The following TCERG1L variants were observed in gnomAD, a reference collection of about 807,000 sequenced individuals.
The protein encoded by TCERG1L is transcription elongation regulator 1-like protein.
In TCERG1L, 37 loss-of-function variants were observed where a neutral mutation model predicts 56.3. The ratio of observed to expected loss-of-function variants is 0.66; its 90% confidence interval spans 0.51 to 0.87. The LOEUF (loss-of-function observed/expected upper bound fraction) is 0.87, where lower values mean the gene tolerates loss of function less well. Among genes scored for constraint, TCERG1L ranks in the 40% least tolerant of loss-of-function variants. The pLI, the probability that TCERG1L is intolerant of heterozygous loss-of-function variation, is 0.00. For synonymous variants in TCERG1L, 324 were observed against 326.3 expected (o/e 0.99, Z 0.08); for missense variants, 799 against 774.2 (o/e 1.03, Z -0.38).
chr10:131,285,410 G>A (rs552349507), intron 3 of TCERG1L, among the ~76,000 whole-genome samples: 5 of 97,996 alleles, frequency 5.1e-5, no homozygotes, highest in African/African-American at 1.4e-4. Context: ...AAGGAAGGAA[G>A]GAAAGAGAGA....
chr10:131,177,041 C>T (rs369937651), intron 4 of TCERG1L, among the ~76,000 whole-genome samples: 3 of 130,634 alleles, frequency 2.3e-5, no homozygotes, highest in South Asian at 2.8e-4. Context: ...CAGACACATG[C>T]ACACACACAG....
chr10:131,165,566 A>AT (rs1407335302), intron 5 of TCERG1L, among the ~76,000 whole-genome samples: 2 of 152,212 alleles, frequency 1.3e-5, no homozygotes, highest in Non-Finnish European at 2.9e-5. Context: ...TGTCTCAAAA[A>AT]ATATATATTA....
chr10:131,293,120 G>C (rs759596257), intron 3 of TCERG1L, among the ~76,000 whole-genome samples: 2 of 151,956 alleles, frequency 1.3e-5, no homozygotes, highest in Non-Finnish European at 2.9e-5. Context: ...CAAAGCGCTG[G>C]GATTAAAGGC....
chr10:131,096,022 T>C (rs1039216511), intron 11 of TCERG1L, among the ~76,000 whole-genome samples: 20 of 152,216 alleles, frequency 1.3e-4, no homozygotes, highest in African/African-American at 4.8e-4. Context: ...ATGGTCTCAA[T>C]AGCAGTAATG....
At chr10:131,227,365 C>A (rs138925399) in intron 4 of TCERG1L, among the ~76,000 whole-genome samples, 2 of 152,346 alleles carry the variant, frequency 1.3e-5, no homozygotes, top group East Asian at 3.9e-4. Flanking sequence ...GGTGGACACG[C>A]GGTGTGGGCA....
At position 131,308,533 on chromosome 10, in the gene TCERG1L, T is replaced by C. The variant is rs1846840329; in HGVS notation, c.490-142A>G. ...TGGGGACTCTATAAAACCATCATTC[T>C]AAAACTTAAAGAAGTTCCACAGGGC... On this transcript the variant is annotated intron_variant, in intron 2 of 11. Transcript: ENST00000368642. 28 of 712,884 alleles carry C rather than the reference T, an allele frequency of 3.9e-5. 1 individual carries two copies. In the South Asian group the frequency reaches 5.0e-4, roughly 13 times the overall value. The allele number at this position is 712,884 out of a possible 1,614,324, so 44.2% of individuals were successfully genotyped here.
At chr10:131,277,880 C>T (rs372819444) in intron 3 of TCERG1L, among the ~76,000 whole-genome samples, 61 of 152,148 alleles carry the variant, frequency 4.0e-4, no homozygotes, top group African/African-American at 1.3e-3. Flanking sequence ...CCTCCTGAGC[C>T]GGGAGAGCCA....
intron 8 of TCERG1L, among the ~76,000 whole-genome samples, chr10:131,132,472 C>T (rs548263148): frequency 5.9e-5 from 9 of 152,352 alleles, no homozygotes; most frequent in Middle Eastern, 3.4e-3. Flanking sequence ...GCCAGTCCCA[C>T]GGGATGGGAG....
At chr10:131,279,290 G>C (rs1053563961) in intron 3 of TCERG1L, among the ~76,000 whole-genome samples, 5 of 152,234 alleles carry the variant, frequency 3.3e-5, no homozygotes, top group African/African-American at 7.2e-5. Context: ...AGGAAGGAGG[G>C]AGGGAGGAGA....
chr10:131,234,813 C>T (rs1384899059), intron 4 of TCERG1L, among the ~76,000 whole-genome samples: 3 of 152,200 alleles, frequency 2.0e-5, no homozygotes, highest in Non-Finnish European at 4.4e-5. Context: ...AAGTGATTTT[C>T]CTGCCCCAGC....
intron 3 of TCERG1L, among the ~76,000 whole-genome samples, chr10:131,277,434 G>A (rs756546243): frequency 5.9e-5 from 9 of 152,302 alleles, no homozygotes; most frequent in Non-Finnish European, 1.0e-4. Flanking sequence ...GGCCTGCGCC[G>A]GGGAGATAGT....
rs1846889355 is a variant in TCERG1L at position 131,311,173 on chromosome 10, G to A, written c.342+121C>T. On this transcript the variant is annotated intron_variant, in intron 1 of 11. Transcript: ENST00000368642. This position sits in a 1 kb window ranked among gnomAD's most constrained non-coding sequence, Gnocchi z 4.0. ...GCCGGGCTCCGTCCTGAGGGTTTGG[G>A]GCGGCGAGGACCGCCGGGGAGGAGG... The A allele has an allele frequency of 1.3e-6, 1 of 778,008 alleles. No homozygotes were observed. The highest frequency in any genetic ancestry group is 1.8e-5 in the African/African-American group (1 of 54,206). The allele number at this position is 778,008 out of a possible 1,614,324, so 48.2% of individuals were successfully genotyped here. A position where few individuals can be genotyped will look rare whatever the true frequency, so the allele number is the denominator to read the frequency against.
chr10:131,144,919 G>A lies in TCERG1L; in HGVS notation c.1189+1587C>T, dbSNP rs373842869. Among the ~76,000 whole-genome samples, 9 of 152,338 alleles carry A rather than the reference G, an allele frequency of 5.9e-5. No individual in the cohort carries two copies. The South Asian group carries it at 1.4e-3, about 25-fold the overall frequency. On this transcript the variant is annotated intron_variant, in intron 7 of 11. Transcript: ENST00000368642. ...CTGGCGAGCCCTGAGACCGCAGGTGGCCCAGTGGGGGCGTTTGCAGATGCC... is the reference window on the plus strand; with the variant it reads ...CTGGCGAGCCCTGAGACCGCAGGTGACCCAGTGGGGGCGTTTGCAGATGCC...
At chr10:131,102,632 G>C (rs1257438884) in intron 10 of TCERG1L, among the ~76,000 whole-genome samples, 2 of 152,136 alleles carry the variant, frequency 1.3e-5, no homozygotes, top group African/African-American at 2.4e-5. Flanking sequence ...AATTAACTCT[G>C]GCTCTTCTGT....
At chr10:131,244,642 C>T (rs529750564) in intron 4 of TCERG1L, among the ~76,000 whole-genome samples, 31 of 152,226 alleles carry the variant, frequency 2.0e-4, no homozygotes, top group African/African-American at 7.0e-4. Flanking sequence ...GTCTCAGTAA[C>T]GCCCAGGGTG....
intron 4 of TCERG1L, among the ~76,000 whole-genome samples, chr10:131,176,397 C>T (rs1368269022): frequency 1.6e-5 from 2 of 128,050 alleles, no homozygotes; most frequent in South Asian, 2.3e-4. Flanking sequence ...TGCACACACA[C>T]CATGACATGT....
intron 3 of TCERG1L, among the ~76,000 whole-genome samples, chr10:131,305,499 C>A (rs995454744): frequency 1.3e-5 from 2 of 152,110 alleles, no homozygotes; most frequent in African/African-American, 4.8e-5. Context: ...CTTAGCTCAA[C>A]AAACGATCCA....
intron 11 of TCERG1L, among the ~76,000 whole-genome samples, chr10:131,097,588 C>T (rs1845263099): frequency 6.6e-6 from 1 of 152,160 alleles, no homozygotes. Flanking sequence ...ACCTCGTGAT[C>T]CACCTGCCTT....
At chr10:131,107,880 CACATGT>C (rs1845369008) in intron 9 of TCERG1L, among the ~76,000 whole-genome samples, 1 of 152,186 alleles carries the variant, frequency 6.6e-6, no homozygotes, top group South Asian at 2.1e-4. Context: ...TGTACACATG[CACATGT>C]ACATAGTTGC....
Sources: allele counts gnomAD v4.1 joint callset (sites outside exome capture counted in the v4.1 genomes callset), GRCh38; gene constraint gnomAD v4.1.1; non-coding constraint Gnocchi (gnomAD v3.1); transcripts MANE v1.5; gene names NCBI Gene and HGNC (gene_info 2026-07-23, HGNC 2026-07-21).